MAML3: variants seen among roughly 807,000 people sequenced by gnomAD.
MAML3 encodes mastermind-like protein 3.
MAML3 carries 27 observed loss-of-function variants against 101.9 expected under a neutral mutation model. The ratio of observed to expected loss-of-function variants is 0.27; its 90% confidence interval spans 0.20 to 0.37. MAML3 has a LOEUF of 0.37. MAML3 is among the 10% of genes least tolerant of loss of function. The probability of loss-of-function intolerance (pLI) is 1.00; values close to 1 mark genes in which losing one functional copy is unlikely to be tolerated. For missense variants in MAML3, 1,316 were observed against 1,444.9 expected (o/e 0.91, Z 1.45); for synonymous variants, 501 against 555.9 (o/e 0.90, Z 1.39).
At chr4:140,088,209 T>TGGGAGGGAGGAA (rs1299125749) in intron 1 of MAML3, among the ~76,000 whole-genome samples, 4 of 148,294 alleles carry the variant, frequency 2.7e-5, no homozygotes, top group Non-Finnish European at 4.5e-5. Flanking sequence ...AAAAGTGTGA[T>TGGGAGGGAGGAA]GGGAGGGAGG....
chr4:139,956,426 T>G lies in MAML3; in HGVS notation c.469-65459A>C, dbSNP rs1214913238. Among the ~76,000 whole-genome samples the G allele has an allele frequency of 2.0e-5, 3 of 152,376 alleles. No individual in the cohort carries two copies. The East Asian group carries it at 5.8e-4, about 29-fold the overall frequency. On this transcript the variant is annotated intron_variant, in intron 1 of 4. Transcript: ENST00000509479. ...ATAAGGATCATGTAAAATCAAATTCTGATACCACTTGGAGAATAATTTGTA... is the reference window on the plus strand; with the variant it reads ...ATAAGGATCATGTAAAATCAAATTCGGATACCACTTGGAGAATAATTTGTA...
At chr4:139,852,676 A>G (rs1560814347) in intron 2 of MAML3, among the ~76,000 whole-genome samples, 1 of 151,962 alleles carries the variant, frequency 6.6e-6, no homozygotes, top group Non-Finnish European at 1.5e-5. Flanking sequence ...CAGCCTCCCA[A>G]AGTGCTGGGA....
intron 2 of MAML3, among the ~76,000 whole-genome samples, chr4:139,843,624 C>A (rs575480039): frequency 3.3e-5 from 5 of 152,290 alleles, no homozygotes; most frequent in African/African-American, 1.2e-4. Flanking sequence ...ATAGGATTAC[C>A]TGTTCATAGA....
At chr4:139,849,667 G>A (rs752085373) in intron 2 of MAML3, among the ~76,000 whole-genome samples, 2 of 152,188 alleles carry the variant, frequency 1.3e-5, no homozygotes, top group Non-Finnish European at 2.9e-5. Flanking sequence ...AATATTGCAC[G>A]TGATGGCAAC....
chr4:139,962,086 G>A (rs547540185), intron 1 of MAML3, among the ~76,000 whole-genome samples: 15 of 151,992 alleles, frequency 9.9e-5, no homozygotes, highest in Non-Finnish European at 8.8e-5. Flanking sequence ...TCATGCCACC[G>A]CATTCCAGCC....
chr4:139,718,251 C>T lies in MAML3; in HGVS notation c.*1072G>A, dbSNP rs1258562407. On this transcript the variant is annotated 3_prime_UTR_variant, in exon 5 of 5. Transcript: ENST00000509479. ...AGGCAGATATTCATTCAACGCTACA[C>T]GTTAGAGAAAGAAGACTCCAGTGTC... 5 of 152,222 alleles carry T rather than the reference C, an allele frequency of 3.3e-5. No homozygotes were observed. Among genetic ancestry groups the T allele is most frequent in the Admixed American group, 3.3e-4 (5 of 15,286 alleles). 9.4% of individuals were successfully genotyped at this position (152,222 alleles called of 1,614,324 possible).
At position 139,813,599 on chromosome 4, in the gene MAML3, C is replaced by T. The variant is rs572284923; in HGVS notation, c.2079+75758G>A. Among the ~76,000 whole-genome samples the T allele has an allele frequency of 9.2e-5, 14 of 152,280 alleles. No homozygotes were observed. In the South Asian group the frequency reaches 1.0e-3, roughly 11 times the overall value. ...TAAAGCTATTTTCATACATGCAAGGCCCCAAATTTTACTTCTCATGTACCC... is the reference window on the plus strand; with the variant it reads ...TAAAGCTATTTTCATACATGCAAGGTCCCAAATTTTACTTCTCATGTACCC... On this transcript the variant is annotated intron_variant, in intron 2 of 4. Coordinates refer to ENST00000509479, the MANE Select transcript of MAML3 (RefSeq NM_018717.5).
chr4:139,985,878 A>C (rs1057509647), intron 1 of MAML3, among the ~76,000 whole-genome samples: 6 of 152,242 alleles, frequency 3.9e-5, no homozygotes, highest in Non-Finnish European at 7.3e-5. Context: ...CAATTTCATT[A>C]AATAAATTTT....
rs200383445 is a variant in MAML3 at position 139,719,561 on chromosome 4, G to A, written c.3179C>T (p.Ala1060Val). 8.7e-6 allele frequency: 14 copies of A among 1,613,532 alleles called. No homozygotes were observed. Among genetic ancestry groups the A allele is most frequent in the Admixed American group, 3.3e-5 (2 of 59,976 alleles). ...CTGCTGTGCTGGGGGCTGGCTGAACGCTGGCATGCCTGGGACTCCCTGGCT... is the reference window on the plus strand; with the variant it reads ...CTGCTGTGCTGGGGGCTGGCTGAACACTGGCATGCCTGGGACTCCCTGGCT... ...GLSQGVPGMP[A>V]FSQPPAQQQI... Residue 1060 changes from alanine (A) to valine (V), a missense_variant, in exon 5 of 5, where the codon GCG becomes GTG. Transcript: ENST00000509479.
intron 2 of MAML3, among the ~76,000 whole-genome samples, chr4:139,869,542 A>G (rs1372928375): frequency 1.3e-5 from 2 of 152,232 alleles, no homozygotes. Context: ...GCTAGAAAGT[A>G]CTAATTCTCA....
intron 1 of MAML3, among the ~76,000 whole-genome samples, chr4:140,096,903 T>TC (rs1318419060): frequency 6.6e-6 from 1 of 151,336 alleles, no homozygotes; most frequent in African/African-American, 2.4e-5. Flanking sequence ...AGGTGATTTT[T>TC]TTTAAGGAGT....
At chr4:140,152,822 C>T (rs1560910359) in intron 1 of MAML3, 38 bp downstream of exon 1, 7 of 1,586,732 alleles carry the variant, frequency 4.4e-6, no homozygotes, top group Non-Finnish European at 6.0e-6. Context: ...CCACCACCCC[C>T]AACGCGCGCC....
At position 139,985,006 on chromosome 4, in the gene MAML3, T is replaced by G. The variant is rs569032355; in HGVS notation, c.469-94039A>C. Reference sequence around the variant, plus strand: ...ACAGCTGTTGCAGCTTTCTGCAATTTAATATGGCAAATATAGATTCTGGCA... The same window carrying G: ...ACAGCTGTTGCAGCTTTCTGCAATTGAATATGGCAAATATAGATTCTGGCA... On this transcript the variant is annotated intron_variant, in intron 1 of 4. Transcript: ENST00000509479. 1.1e-4 allele frequency among the ~76,000 whole-genome samples: 16 copies of G among 152,364 alleles called. No homozygotes were observed. In the South Asian group the frequency reaches 1.4e-3, roughly 14 times the overall value.
chr4:140,107,660 A>G (rs1324080827), intron 1 of MAML3, among the ~76,000 whole-genome samples: 1 of 151,748 alleles, frequency 6.6e-6, no homozygotes, highest in Non-Finnish European at 1.5e-5. Context: ...GCCCACCACC[A>G]CACATGGCTA....
At chr4:140,093,125 C>G (rs1728091161) in intron 1 of MAML3, among the ~76,000 whole-genome samples, 1 of 152,072 alleles carries the variant, frequency 6.6e-6, no homozygotes, top group Admixed American at 6.6e-5. Flanking sequence ...ATAACTTGGC[C>G]CCAAAGTGTG....
At chr4:139,917,473 C>T (rs575006238) in intron 1 of MAML3, among the ~76,000 whole-genome samples, 14 of 152,046 alleles carry the variant, frequency 9.2e-5, no homozygotes, top group Admixed American at 2.6e-4. Context: ...GAAAAGGAGG[C>T]GAGGAAGCTG....
intron 1 of MAML3, among the ~76,000 whole-genome samples, chr4:139,996,207 A>T (rs1341978868): frequency 3.3e-5 from 5 of 152,204 alleles, no homozygotes; most frequent in Admixed American, 6.5e-5. Flanking sequence ...TGCATTTGAA[A>T]AGAATGTATA....
chr4:140,010,956 C>A (rs1454713011), intron 1 of MAML3, among the ~76,000 whole-genome samples: 3 of 151,460 alleles, frequency 2.0e-5, no homozygotes, highest in Non-Finnish European at 4.4e-5. Context: ...AGTAGCTGGG[C>A]ATGGTGGCAA....
chr4:139,831,677 T>C (rs1731165171), intron 2 of MAML3, among the ~76,000 whole-genome samples: 4 of 151,992 alleles, frequency 2.6e-5, no homozygotes. Context: ...CCTTCTCCTA[T>C]GAGTACCCAA....
Sources: gnomAD v4.1 joint callset for allele counts (sites outside exome capture counted in the v4.1 genomes callset) on GRCh38, gnomAD v4.1.1 for gene constraint, MANE v1.5 for transcripts, NCBI Gene and HGNC (gene_info 2026-07-23, HGNC 2026-07-21) for gene names.